The following B3GALT1 variants were observed in gnomAD, a reference collection of about 807,000 sequenced individuals.
The protein encoded by B3GALT1 is beta-1,3-galactosyltransferase 1.
B3GALT1 carries 10 observed loss-of-function variants against 23.2 expected under a neutral mutation model. The ratio of observed to expected loss-of-function variants is 0.43; its 90% CI spans 0.27 to 0.73. B3GALT1 has a LOEUF of 0.73. Ranked by LOEUF, B3GALT1 falls within the 30% of genes least tolerant of loss-of-function variation. B3GALT1 has a pLI of 0.21. For synonymous variants in B3GALT1, 156 were observed against 141.5 expected, an observed-to-expected ratio of 1.10 and a Z score of -0.73; for missense variants, 299 against 405.4, an observed-to-expected ratio of 0.74 and a Z score of 2.25.
chr2:167,335,726 G>T (rs1211351306), intron 1 of B3GALT1, among the ~76,000 whole-genome samples: 2 of 152,180 alleles, frequency 1.3e-5, no homozygotes, highest in Non-Finnish European at 2.9e-5. Flanking sequence ...GACAACCAGA[G>T]TTCACTTTCG....
At chr2:167,436,488 T>C (rs546810344) in intron 1 of B3GALT1, among the ~76,000 whole-genome samples, 4 of 152,344 alleles carry the variant, frequency 2.6e-5, no homozygotes, top group South Asian at 2.1e-4. Flanking sequence ...CTTACCCTGA[T>C]TGAATGTCTT....
intron 2 of B3GALT1, among the ~76,000 whole-genome samples, chr2:167,519,842 C>T (rs932663147): frequency 2.6e-5 from 4 of 152,042 alleles, no homozygotes; most frequent in East Asian, 3.9e-4. Flanking sequence ...GAGGCCAAGG[C>T]AGGTAGATCA....
chr2:167,593,664 T>C (rs900064750), intron 2 of B3GALT1, among the ~76,000 whole-genome samples: 2 of 152,300 alleles, frequency 1.3e-5, no homozygotes, highest in South Asian at 2.1e-4. Flanking sequence ...AAAGAAGAAC[T>C]GAACACAGCC....
intron 2 of B3GALT1, among the ~76,000 whole-genome samples, chr2:167,531,032 T>C (rs1054506261): frequency 1.3e-5 from 2 of 152,224 alleles, no homozygotes; most frequent in East Asian, 1.9e-4. Context: ...GTTTTTATCT[T>C]GAGACTGTTT....
At chr2:167,691,716 A>G (rs559748253) in intron 3 of B3GALT1, among the ~76,000 whole-genome samples, 142 of 152,166 alleles carry the variant, frequency 9.3e-4, no homozygotes, top group Non-Finnish European at 1.8e-3. Flanking sequence ...CAGTTCTTCT[A>G]TGGAAGACTA....
At chr2:167,592,834 G>A (rs568509720) in intron 2 of B3GALT1, among the ~76,000 whole-genome samples, 4 of 152,034 alleles carry the variant, frequency 2.6e-5, no homozygotes, top group Non-Finnish European at 5.9e-5. Context: ...ACAGGAAAAG[G>A]GCCAATTTCC....
chr2:167,693,454 A>G (rs868843526), intron 3 of B3GALT1, among the ~76,000 whole-genome samples: 2 of 152,150 alleles, frequency 1.3e-5, no homozygotes, highest in Non-Finnish European at 2.9e-5. Context: ...AAGGGAATCA[A>G]TAGAACTGTA....
At chr2:167,671,782 A>G (rs947893694) in intron 3 of B3GALT1, among the ~76,000 whole-genome samples, 1 of 152,094 alleles carries the variant, frequency 6.6e-6, no homozygotes, top group African/African-American at 2.4e-5. Flanking sequence ...GAAGGAAATA[A>G]TAAAGATTAA....
Position 167,870,237 on chromosome 2 carries a change from A to G in B3GALT1, c.*217A>G, listed in dbSNP as rs1283241466. The G allele has an allele frequency of 2.1e-5, 10 of 487,600 alleles. No individual in the cohort carries two copies. The highest frequency in any genetic ancestry group is 3.7e-6 in the Non-Finnish European group (1 of 270,556). 30.2% of individuals were successfully genotyped at this position (487,600 alleles called of 1,614,324 possible). On this transcript the variant is annotated 3_prime_UTR_variant, in exon 5 of 5. Transcript: ENST00000392690. ...GTTAGAAGGGCCAGATTTCATTCTC[A>G]GTCCCAGAGCATTGCTATTTATCTC...
intron 3 of B3GALT1, among the ~76,000 whole-genome samples, chr2:167,735,565 C>G (rs775882741): frequency 6.6e-6 from 1 of 152,032 alleles, no homozygotes. Context: ...AGCTAGTTGC[C>G]TAAAAATAGG....
intron 1 of B3GALT1, among the ~76,000 whole-genome samples, chr2:167,453,333 T>C (rs572793212): frequency 3.3e-4 from 50 of 152,356 alleles, no homozygotes; most frequent in Non-Finnish European, 6.2e-4. Flanking sequence ...CCTCTGTTCT[T>C]TTCCTTAGTT....
intron 3 of B3GALT1, among the ~76,000 whole-genome samples, chr2:167,756,539 T>C (rs1687821765): frequency 6.6e-6 from 1 of 152,212 alleles, no homozygotes; most frequent in Non-Finnish European, 1.5e-5. Context: ...TCATCTCTAA[T>C]TAATTTTGGC....
rs549738783 is a variant in B3GALT1, at chr2:167,748,617, A to G, written c.-351-70055A>G. Reference sequence around the variant, plus strand: ...AAAGTGGGCAACTATGTGGAAGTGCATGACTCGGAATGTCAGGCAAAACTT... The same window carrying G: ...AAAGTGGGCAACTATGTGGAAGTGCGTGACTCGGAATGTCAGGCAAAACTT... On this transcript the variant is annotated intron_variant, in intron 3 of 4. Coordinates refer to ENST00000392690, the MANE Select transcript of B3GALT1 (RefSeq NM_020981.4). 2.6e-5 allele frequency among the ~76,000 whole-genome samples: 4 copies of G among 152,300 alleles called. No homozygotes were observed. The South Asian group carries it at 6.2e-4, about 24-fold the overall frequency.
chr2:167,807,565 G>C (rs938465356), intron 3 of B3GALT1, among the ~76,000 whole-genome samples: 2 of 151,006 alleles, frequency 1.3e-5, no homozygotes, highest in Non-Finnish European at 2.9e-5. Context: ...CCTTCATTTC[G>C]TTATGTACCC....
At chr2:167,432,738 A>G (rs1013631535) in intron 1 of B3GALT1, among the ~76,000 whole-genome samples, 2 of 152,200 alleles carry the variant, frequency 1.3e-5, no homozygotes, top group Admixed American at 6.5e-5. Flanking sequence ...TTCAAAAGGC[A>G]GAGGAAAAAC....
chr2:167,566,764 T>G (rs1684179147), intron 2 of B3GALT1, among the ~76,000 whole-genome samples: 1 of 152,130 alleles, frequency 6.6e-6, no homozygotes, highest in African/African-American at 2.4e-5. Context: ...AGGGTGGTAA[T>G]TTCAATGCTG....
At chr2:167,727,819 T>C (rs1343753743) in intron 3 of B3GALT1, among the ~76,000 whole-genome samples, 1 of 152,098 alleles carries the variant, frequency 6.6e-6, no homozygotes, top group Non-Finnish European at 1.5e-5. Flanking sequence ...CACAGGAATT[T>C]TTTATTTGGC....
At chr2:167,574,156 G>A (rs1241317801) in intron 2 of B3GALT1, among the ~76,000 whole-genome samples, 1 of 151,578 alleles carries the variant, frequency 6.6e-6, no homozygotes, top group Admixed American at 6.6e-5. Flanking sequence ...TAAAATACAA[G>A]CTTTGCACTT....
intron 3 of B3GALT1, among the ~76,000 whole-genome samples, chr2:167,710,118 C>T (rs1687026610): frequency 6.6e-6 from 1 of 152,156 alleles, no homozygotes. Context: ...AATTTTACCC[C>T]AGGTGCAAAG....
Sources: allele counts gnomAD v4.1 joint callset (sites outside exome capture counted in the v4.1 genomes callset), GRCh38; gene constraint gnomAD v4.1.1; transcripts MANE v1.5; gene names NCBI Gene and HGNC (gene_info 2026-07-23, HGNC 2026-07-21).